Variants in GOLGA3 observed in about 807,000 individuals in gnomAD.
GOLGA3 encodes the protein golgin A3.
A neutral mutation model predicts 169.4 loss-of-function variants in GOLGA3; 75 were observed. That is an observed-to-expected ratio of 0.44 (90% CI 0.37 to 0.54). The LOEUF (loss-of-function observed/expected upper bound fraction) is 0.54. GOLGA3 is among the 20% of genes least tolerant of loss of function. GOLGA3 has a pLI of 0.00. For missense variants in GOLGA3, 1,899 were observed against 1,930.0 expected (o/e 0.98, Z 0.30); for synonymous variants, 824 against 822.4 (o/e 1.00, Z -0.03).
rs764133358 is a variant in GOLGA3 at position 132,804,733 on chromosome 12, A to C, written c.1580T>G (p.Leu527Arg). The change falls in exon 7 of 24, where the codon CTC becomes CGC. Residue 527 changes from leucine (L) to arginine (R), a missense_variant. Transcript: ENST00000450791. This position sits in a 1 kb window ranked among gnomAD's most constrained non-coding sequence, Gnocchi z 4.1. ...AKVEDMQRSM[L>R]SKDNTVHDLR... The stretch of plus-strand genomic sequence containing the variant: ...AGCCTCACCTGTGTTGTCCTTGCTG[A>C]GCATGCTCCTCTGCATGTCCTCTAC... 57 of 1,613,162 alleles carry C rather than the reference A, an allele frequency of 3.5e-5. No homozygotes were observed. Among genetic ancestry groups the C allele is most frequent in the Non-Finnish European group, 4.2e-5 (50 of 1,179,328 alleles).
chr12:132,801,581 G>T (rs1054180251), intron 8 of GOLGA3, among the ~76,000 whole-genome samples, 186 bp downstream of exon 8: 4 of 152,206 alleles, frequency 2.6e-5, no homozygotes, highest in Admixed American at 6.5e-5. Flanking sequence ...AGAAGGTTGG[G>T]GGGGGGCCCA....
chr12:132,780,200 C>G (rs2045516302), intron 18 of GOLGA3, among the ~76,000 whole-genome samples: 1 of 150,544 alleles, frequency 6.6e-6, no homozygotes, highest in Non-Finnish European at 1.5e-5. Context: ...ACACCACACC[C>G]CAGGCACACG....
intron 4 of GOLGA3, among the ~76,000 whole-genome samples, chr12:132,809,361 C>T (rs1409936219): frequency 6.6e-6 from 1 of 152,188 alleles, no homozygotes; most frequent in African/African-American, 2.4e-5. Context: ...ATCAGTCAGG[C>T]CCTCCACAAG....
At position 132,809,436 on chromosome 12, in the gene GOLGA3, G is replaced by A. The variant is rs867827814; in HGVS notation, c.520-887C>T. Among the ~76,000 whole-genome samples the A allele has an allele frequency of 2.7e-3, 194 of 73,016 alleles. 1 individual carries two copies. Among genetic ancestry groups the A allele is most frequent in the African/African-American group, 8.9e-3 (174 of 19,550 alleles). 47.9% of individuals were successfully genotyped at this position (73,016 alleles called of 152,430 possible). A position where few individuals can be genotyped will look rare whatever the true frequency, so the allele number is the denominator to read the frequency against. On this transcript the variant is annotated intron_variant, in intron 4 of 23. Transcript: ENST00000450791. ...AAGGGAGACACCAACCCCCACCCCC[G>A]CCCCCCCGCCCCCCGGTTCCCGGTC...
chr12:132,815,542 G>C (rs1949917998), intron 3 of GOLGA3, among the ~76,000 whole-genome samples: 1 of 152,252 alleles, frequency 6.6e-6, no homozygotes, highest in African/African-American at 2.4e-5. Context: ...GTGAAATGCA[G>C]TCTGATTTCA....
chr12:132,782,471 C>T lies in GOLGA3; in HGVS notation c.3290G>A (p.Arg1097Lys). 6.2e-7 allele frequency: 1 copy of T among 1,613,876 alleles called. No individual in the cohort carries two copies. The highest frequency in any genetic ancestry group is 8.5e-7 in the Non-Finnish European group (1 of 1,179,716). ...CTCCTCAAGGCGTTTTATCTTCTTC[C>T]TAAAGCCTCTGGATTCTTGAAGCTG... ...EDELQESRGF[R>K]KKIKRLEESN... is the part of the protein sequence containing the mutation. Residue 1097 changes from arginine to lysine, a missense_variant, in exon 17 of 24, where the codon AGG becomes AAG. Coordinates refer to ENST00000450791, the MANE Select transcript of GOLGA3 (RefSeq NM_001389683.1).
At chr12:132,819,088 G>C (rs763623633) in intron 2 of GOLGA3, among the ~76,000 whole-genome samples, 2 of 150,402 alleles carry the variant, frequency 1.3e-5, no homozygotes, top group South Asian at 4.2e-4. Flanking sequence ...ACATGTGAGG[G>C]GGGAGGGAGG....
intron 12 of GOLGA3, among the ~76,000 whole-genome samples, chr12:132,790,289 G>A (rs751656094): frequency 2.0e-5 from 3 of 152,136 alleles, no homozygotes; most frequent in Non-Finnish European, 4.4e-5. Context: ...AGCCGAGATC[G>A]CACCACTGCC....
intron 22 of GOLGA3, 71 bp from the exon 23 acceptor site, chr12:132,774,391 G>A: frequency 1.3e-6 from 2 of 1,553,516 alleles, no homozygotes; most frequent in Admixed American, 1.7e-5. Flanking sequence ...AGCACAGCTT[G>A]TGGCAAACGG....
intron 7 of GOLGA3, among the ~76,000 whole-genome samples, chr12:132,803,430 G>C (rs892314097): frequency 6.6e-5 from 10 of 152,180 alleles, no homozygotes; most frequent in African/African-American, 1.9e-4. Flanking sequence ...AAGGGTATCC[G>C]TGTGGCTAAT....
chr12:132,781,340 T>A (rs1269564934), intron 17 of GOLGA3, among the ~76,000 whole-genome samples: 1 of 151,978 alleles, frequency 6.6e-6, no homozygotes, highest in Non-Finnish European at 1.5e-5. Context: ...GGCAGGCGGA[T>A]GACAGTCAGA....
chr12:132,813,543 C>A lies in GOLGA3; in HGVS notation c.407-124G>T, dbSNP rs1949815365. ...ACTTTACACCTAAACAATGCACAGC[C>A]ATCTTGTTTGGAAGGACAATTTCTA... On this transcript the variant is annotated intron_variant, in intron 3 of 23. Transcript: ENST00000450791. The A allele has an allele frequency of 4.2e-5, 24 of 571,036 alleles. No individual in the cohort carries two copies. The Admixed American group carries it at 6.6e-4, about 16-fold the overall frequency. 35.4% of individuals were successfully genotyped at this position (571,036 alleles called of 1,614,324 possible).
rs1336152160 is a variant in GOLGA3 at position 132,816,587 on chromosome 12, G to C, written c.359C>G (p.Ala120Gly). ...AAGACTGAGTCTGAGAGACTGCAAA[G>C]CTTCTTTTCTAACACTGCCCTCAGC... ...TSAEGSVRKE[A>G]LQSLRLSLPM... The change falls in exon 3 of 24, where the codon GCT (alanine) becomes GGT (glycine). Residue 120 changes from alanine to glycine, a missense_variant. Physicochemically the swap from Ala to Gly is moderately conservative, Grantham distance 60. Coordinates refer to ENST00000450791, the MANE Select transcript of GOLGA3 (RefSeq NM_001389683.1). 1.2e-6 allele frequency: 2 copies of C among 1,613,982 alleles called. No individual in the cohort carries two copies. Among genetic ancestry groups the C allele is most frequent in the African/African-American group, 2.7e-5 (2 of 74,944 alleles).
chr12:132,827,745 A>T (rs531782981), intron 1 of GOLGA3: 1 of 152,274 alleles, frequency 6.6e-6, no homozygotes, highest in East Asian at 1.9e-4. Flanking sequence ...ATAAAGCGCT[A>T]TGTTGATGTC....
intron 11 of GOLGA3, among the ~76,000 whole-genome samples, chr12:132,792,559 G>A (rs1948583002): frequency 6.6e-6 from 1 of 152,144 alleles, no homozygotes; most frequent in African/African-American, 2.4e-5. Context: ...GCCCCACACA[G>A]ACCCACCGCA....
At chr12:132,807,105 G>C (rs983415638) in intron 6 of GOLGA3, 72 bp downstream of exon 6, 3 of 865,694 alleles carry the variant, frequency 3.5e-6, no homozygotes, top group African/African-American at 1.7e-5. Context: ...GTGAAACCTC[G>C]TACCCAACAG....
chr12:132,786,608 C>T (rs2045913118), intron 14 of GOLGA3, 53 bp from the exon 15 acceptor site: 15 of 1,595,900 alleles, frequency 9.4e-6, no homozygotes, highest in Admixed American at 3.4e-5. Flanking sequence ...CCGATGTGAC[C>T]GTCTGGCATT....
At chr12:132,775,399 T>C (rs1380737383) in intron 21 of GOLGA3, 94 bp from the exon 22 acceptor site, 6 of 1,099,324 alleles carry the variant, frequency 5.5e-6, no homozygotes, top group Admixed American at 4.5e-5. Flanking sequence ...AGCACACACA[T>C]GTCCTCCTCG....
At chr12:132,823,144 C>A (rs953178709) in intron 1 of GOLGA3, among the ~76,000 whole-genome samples, 3 of 152,214 alleles carry the variant, frequency 2.0e-5, no homozygotes, top group Non-Finnish European at 4.4e-5. Flanking sequence ...AGTGGGGGCA[C>A]AGAAAGGGCA....
Sources: allele counts gnomAD v4.1 joint callset (sites outside exome capture counted in the v4.1 genomes callset), GRCh38; gene constraint gnomAD v4.1.1; non-coding constraint Gnocchi (gnomAD v3.1); transcripts MANE v1.5; gene names NCBI Gene and HGNC (gene_info 2026-07-23, HGNC 2026-07-21).